Variants in LTA4H observed in about 807,000 individuals in gnomAD.
The protein encoded by LTA4H is leukotriene A-4 hydrolase.
Under a neutral mutation model 89.8 loss-of-function variants are expected in LTA4H, and 59 were observed. That is an observed-to-expected ratio of 0.66 (90% CI 0.53 to 0.82). LTA4H has a LOEUF of 0.82. Ranked by LOEUF, LTA4H falls within the 40% of genes least tolerant of loss-of-function variation. LTA4H has a pLI of 0.00. For synonymous variants in LTA4H, 227 were observed against 253.1 expected (o/e 0.90, Z 0.98); for missense variants, 617 against 727.0 (o/e 0.85, Z 1.74).
chr12:96,039,029 T>G (rs1592905619), upstream of LTA4H, among the ~76,000 whole-genome samples: 1 of 152,148 alleles, frequency 6.6e-6, no homozygotes, highest in South Asian at 2.1e-4. Context: ...ATTGGAGTAT[T>G]ATTGATATCC....
At position 96,021,073 on chromosome 12, in the gene LTA4H, C is replaced by G; in HGVS notation, c.638+12G>C. On this transcript the variant is annotated intron_variant, in intron 6 of 18. Transcript: ENST00000228740. ...TCTTTCCACAAACCTGAAAATTTTT[C>G]CAAAAGCTCACCTGCTTTCTAAAGC... 8.8e-6 allele frequency: 14 copies of G among 1,598,942 alleles called. No homozygotes were observed. The highest frequency in any genetic ancestry group is 1.2e-5 in the Non-Finnish European group (14 of 1,175,394).
chr12:96,022,079 C>A lies in LTA4H; in HGVS notation c.585+68G>T. The A allele has an allele frequency of 1.0e-6, 1 of 957,550 alleles. No homozygotes were observed. The highest frequency in any genetic ancestry group is 1.6e-6 in the Non-Finnish European group (1 of 608,168). 59.3% of individuals were successfully genotyped at this position (957,550 alleles called of 1,614,324 possible). Reference sequence around the variant, plus strand: ...AATATTTCAAAAGTAATTTTGCCCTCTGGATGTGTACAAGCTAACTGTAGT... The same window carrying A: ...AATATTTCAAAAGTAATTTTGCCCTATGGATGTGTACAAGCTAACTGTAGT... On this transcript the variant is annotated intron_variant, in intron 5 of 18. Transcript: ENST00000228740. This position sits in a 1 kb window ranked among gnomAD's most constrained non-coding sequence, Gnocchi z 4.0.
intron 4 of LTA4H, 78 bp downstream of exon 4, chr12:96,024,401 T>A: frequency 1.2e-6 from 1 of 840,984 alleles, no homozygotes; most frequent in South Asian, 1.6e-5. Flanking sequence ...AGGAATTCAA[T>A]TATCATCTCT....
intron 1 of LTA4H, 118 bp downstream of exon 1, chr12:96,035,243 C>A (rs1467570550): frequency 9.8e-7 from 1 of 1,017,746 alleles, no homozygotes; most frequent in Non-Finnish European, 1.4e-6. Context: ...CAGACGGGGA[C>A]GTGGGGCTAG....
At chr12:96,017,166 A>T (rs781688330) in intron 9 of LTA4H, 52 bp from the exon 10 acceptor site, 18 of 1,234,072 alleles carry the variant, frequency 1.5e-5, no homozygotes, top group Non-Finnish European at 1.8e-5. Flanking sequence ...AACCTAAAAT[A>T]ACCCATTCTA....
intron 6 of LTA4H, among the ~76,000 whole-genome samples, chr12:96,019,740 C>T (rs766968045): frequency 1.3e-5 from 2 of 151,710 alleles, no homozygotes; most frequent in African/African-American, 2.4e-5. Flanking sequence ...TACAGGTGCC[C>T]GCCACCACGC....
At chr12:96,016,756 C>A (rs910925203) in intron 10 of LTA4H, among the ~76,000 whole-genome samples, 1 of 152,068 alleles carries the variant, frequency 6.6e-6, no homozygotes, top group African/African-American at 2.4e-5. Flanking sequence ...AAAAAATTAG[C>A]TGGGCGTGGT....
chr12:96,029,204 A>G lies in LTA4H; in HGVS notation c.160-19T>C. On this transcript the variant is annotated intron_variant, in intron 1 of 18. Coordinates refer to ENST00000228740, the MANE Select transcript of LTA4H (RefSeq NM_000895.3). ...CCAAAACCTAAAATTAATATTTTTA[A>G]ATAGTAAGAAAATAGTTTCATTTAC... 2 of 1,375,962 alleles carry G rather than the reference A, an allele frequency of 1.5e-6. No individual in the cohort carries two copies. The highest frequency in any genetic ancestry group is 2.4e-5 in the East Asian group (1 of 41,032). The allele number at this position is 1,375,962 out of a possible 1,614,324, so 85.2% of individuals were successfully genotyped here. A position where few individuals can be genotyped will look rare whatever the true frequency, so the allele number is the denominator to read the frequency against.
intron 5 of LTA4H, among the ~76,000 whole-genome samples, chr12:96,021,668 C>A (rs1273251084): frequency 7.3e-5 from 3 of 40,876 alleles, no homozygotes; most frequent in Non-Finnish European, 1.3e-4. Context: ...ATTAAGAAAA[C>A]ACACACACAC....
At position 96,027,560 on chromosome 12, in the gene LTA4H, G is replaced by C. The variant is rs1950526453; in HGVS notation, c.295C>G (p.Gln99Glu). 5 of 1,572,916 alleles carry C rather than the reference G, an allele frequency of 3.2e-6. No individual in the cohort carries two copies. The highest frequency in any genetic ancestry group is 3.5e-6 in the Non-Finnish European group (4 of 1,147,138). ...AAAGAAATTTCTATAACAATTTCTT[G>C]ATTTCTGTATGAAACACATAAATAT... is the stretch of plus-strand genomic sequence containing the variant. ...ISLPIALSKNQEIVIEISFET... is the reference protein window; with the variant it reads ...ISLPIALSKNEEIVIEISFET... The change falls in exon 3 of 19, where the codon CAA (glutamine) becomes GAA (glutamate). Residue 99 changes from glutamine to glutamate, a missense_variant. Gln to Glu is a conservative substitution (Grantham distance 29, BLOSUM62 2). Around this residue, in one of 3 missense-constraint regions of LTA4H, gnomAD observed 155 missense variants for 143.3 expected, o/e 1.08. Transcript: ENST00000228740.
chr12:96,036,851 T>G (rs547478949), upstream of LTA4H, among the ~76,000 whole-genome samples: 3 of 152,316 alleles, frequency 2.0e-5, no homozygotes, highest in South Asian at 6.2e-4. Flanking sequence ...ATAGCTCCAG[T>G]ATGCTTCCAG....
At chr12:96,015,481 T>C (rs1287116681) in intron 11 of LTA4H, 102 bp downstream of exon 11, 11 of 768,916 alleles carry the variant, frequency 1.4e-5, no homozygotes. Context: ...CTTGTAAAAA[T>C]GACTTTTTGG....
chr12:96,003,072 G>A lies in LTA4H; in HGVS notation c.1614-8C>T. 6.4e-7 allele frequency: 1 copy of A among 1,570,716 alleles called. No individual in the cohort carries two copies. The highest frequency in any genetic ancestry group is 8.7e-7 in the Non-Finnish European group (1 of 1,151,206). On this transcript the variant is annotated splice_polypyrimidine_tract_variant and splice_region_variant and intron_variant, in intron 17 of 18. Transcript: ENST00000228740. ...ATGCAGAGCCGCAGCCATCTAAAAG[G>A]AGGATTTGGGGGGAGCATGGAGTAG...
chr12:96,017,470 T>G, intron 9 of LTA4H, 87 bp downstream of exon 9: 1 of 1,172,896 alleles, frequency 8.5e-7, no homozygotes, highest in South Asian at 1.3e-5. Context: ...TAACCATATC[T>G]TTAACATAAA....
At position 96,017,418 on chromosome 12, in the gene LTA4H, T is replaced by G; in HGVS notation, c.876+139A>C. 9 of 686,986 alleles carry G rather than the reference T, an allele frequency of 1.3e-5. No homozygotes were observed. In the South Asian group the frequency reaches 1.9e-4, roughly 14 times the overall value. 42.6% of individuals were successfully genotyped at this position (686,986 alleles called of 1,614,324 possible). A position where few individuals can be genotyped will look rare whatever the true frequency, so the allele number is the denominator to read the frequency against. The stretch of plus-strand genomic sequence containing the variant: ...AAAATTTCCTTAAATCTATTACATC[T>G]AATTGTTAATAATGTGAGAAGAGTC... On this transcript the variant is annotated intron_variant, in intron 9 of 18. Coordinates refer to ENST00000228740, the MANE Select transcript of LTA4H (RefSeq NM_000895.3).
intron 9 of LTA4H, 152 bp downstream of exon 9, chr12:96,017,405 A>C (rs1950394747): frequency 4.6e-6 from 3 of 648,428 alleles, no homozygotes; most frequent in Admixed American, 6.8e-5. Context: ...AATTTCCTTA[A>C]ATCTATTACA....
intron 16 of LTA4H, 111 bp from the exon 17 acceptor site, chr12:96,004,031 A>G (rs951419699): frequency 2.0e-6 from 1 of 500,548 alleles, no homozygotes; most frequent in African/African-American, 2.0e-5. Flanking sequence ...TTTATAATAT[A>G]GAAATAAGTC....
At chr12:96,021,172 G>A in intron 5 of LTA4H, 35 bp from the exon 6 acceptor site, 12 of 1,511,804 alleles carry the variant, frequency 7.9e-6, no homozygotes, top group Non-Finnish European at 1.1e-5. Flanking sequence ...CCACGTGCTT[G>A]CATTAGTGTT....
intron 1 of LTA4H, among the ~76,000 whole-genome samples, chr12:96,034,398 C>T (rs528219262): frequency 6.6e-5 from 10 of 152,260 alleles, no homozygotes; most frequent in Admixed American, 6.5e-4. Context: ...GGTTATGATA[C>T]AGATAAAATC....
Sources: gnomAD v4.1 joint callset for allele counts (sites outside exome capture counted in the v4.1 genomes callset) on GRCh38, gnomAD v4.1.1 for gene constraint, gnomAD v4.1.1 regional missense constraint, Gnocchi (gnomAD v3.1) non-coding constraint, MANE v1.5 for transcripts, NCBI Gene and HGNC (gene_info 2026-07-23, HGNC 2026-07-21) for gene names.